The following LPAR1 variants were observed in gnomAD, a reference collection of about 807,000 sequenced individuals.
LPAR1 encodes the protein lysophosphatidic acid receptor 1.
LPAR1 carries 5 observed loss-of-function variants against 23.8 expected under a neutral mutation model. The ratio of observed to expected loss-of-function variants is 0.21; its 90% CI spans 0.11 to 0.44. LPAR1 has a LOEUF of 0.44. Among genes scored for constraint, LPAR1 ranks in the 20% least tolerant of loss-of-function variants. The pLI is 0.99. For missense variants in LPAR1, 311 were observed against 482.8 expected, an observed-to-expected ratio of 0.64 and a Z score of 3.33; for synonymous variants, 160 against 164.7, an observed-to-expected ratio of 0.97 and a Z score of 0.22.
At chr9:110,990,011 T>A (rs1037625931) in intron 2 of LPAR1, among the ~76,000 whole-genome samples, 12 of 151,178 alleles carry the variant, frequency 7.9e-5, no homozygotes, top group Admixed American at 1.3e-4. Flanking sequence ...GCAGGGATTT[T>A]AAAAAAAAAG....
intron 2 of LPAR1, among the ~76,000 whole-genome samples, chr9:111,033,017 A>C (rs1452510288): frequency 1.3e-5 from 2 of 152,256 alleles, no homozygotes; most frequent in South Asian, 2.1e-4. Context: ...CGTTTGTTTT[A>C]GCACTGGACT....
intron 2 of LPAR1, among the ~76,000 whole-genome samples, chr9:111,024,224 T>C (rs1325948474): frequency 1.3e-5 from 2 of 151,774 alleles, no homozygotes; most frequent in Non-Finnish European, 2.9e-5. Flanking sequence ...GCCAGATAAA[T>C]CTGAAGGGCG....
chr9:110,879,997 T>C (rs922588601), intron 5 of LPAR1, among the ~76,000 whole-genome samples: 1 of 152,182 alleles, frequency 6.6e-6, no homozygotes, highest in Non-Finnish European at 1.5e-5. Context: ...TAGTTTGAGG[T>C]ACCTGCAAGA....
At chr9:110,967,061 G>C (rs899711609) in intron 4 of LPAR1, among the ~76,000 whole-genome samples, 2 of 152,122 alleles carry the variant, frequency 1.3e-5, no homozygotes, top group South Asian at 2.1e-4. Context: ...TGATGAACAG[G>C]TTCCTGTCTG....
chr9:110,993,147 T>G (rs2096929235), intron 2 of LPAR1, among the ~76,000 whole-genome samples: 2 of 152,146 alleles, frequency 1.3e-5, no homozygotes, highest in South Asian at 4.1e-4. Context: ...TAATATACTT[T>G]AAGTTCTAGG....
chr9:110,942,488 T>C (rs561921536), intron 4 of LPAR1, among the ~76,000 whole-genome samples: 2 of 152,338 alleles, frequency 1.3e-5, no homozygotes, highest in Admixed American at 1.3e-4. Flanking sequence ...GACAAAAATT[T>C]TGCAGAACAT....
intron 2 of LPAR1, among the ~76,000 whole-genome samples, chr9:111,013,766 G>C (rs1236030256): frequency 6.6e-6 from 1 of 152,032 alleles, no homozygotes; most frequent in African/African-American, 2.4e-5. Flanking sequence ...AACCTTAAAG[G>C]TTATCTAGTA....
intron 5 of LPAR1, among the ~76,000 whole-genome samples, chr9:110,926,451 A>C (rs1234409162): frequency 6.6e-6 from 1 of 152,234 alleles, no homozygotes; most frequent in African/African-American, 2.4e-5. Context: ...GTTTCTCCTC[A>C]GGATAATATA....
chr9:110,906,717 T>C (rs1189429282), intron 5 of LPAR1, among the ~76,000 whole-genome samples: 1 of 152,184 alleles, frequency 6.6e-6, no homozygotes, highest in East Asian at 1.9e-4. Context: ...GATTTTCTTC[T>C]AGAATGAAAC....
chr9:110,981,930 T>C (rs576838466), intron 2 of LPAR1, among the ~76,000 whole-genome samples: 7 of 152,246 alleles, frequency 4.6e-5, no homozygotes, highest in African/African-American at 1.4e-4. Flanking sequence ...TGAGATACCA[T>C]CTCACATCAT....
intron 2 of LPAR1, among the ~76,000 whole-genome samples, chr9:111,028,608 T>G (rs2097742233): frequency 7.4e-6 from 1 of 135,592 alleles, no homozygotes; most frequent in South Asian, 2.5e-4. Context: ...AATTCTTAAT[T>G]AGAAAAAGAC....
chr9:110,899,349 G>T (rs1303614389), intron 5 of LPAR1, among the ~76,000 whole-genome samples: 1 of 152,108 alleles, frequency 6.6e-6, no homozygotes, highest in Non-Finnish European at 1.5e-5. Flanking sequence ...TCTACATCAA[G>T]AATTTTCAGA....
chr9:110,996,545 T>C (rs1449000644), intron 2 of LPAR1, among the ~76,000 whole-genome samples: 1 of 152,148 alleles, frequency 6.6e-6, no homozygotes, highest in Non-Finnish European at 1.5e-5. Context: ...TGGCTGTGGG[T>C]GCGACCTGAC....
intron 4 of LPAR1, among the ~76,000 whole-genome samples, chr9:110,942,999 T>G (rs1326311085): frequency 1.7e-5 from 2 of 116,428 alleles, no homozygotes; most frequent in African/African-American, 3.3e-5. Flanking sequence ...TAAGAATATA[T>G]TTGCTTATTA....
Position 110,972,197 on chromosome 9 carries a change from G to T in LPAR1, c.-80C>A, listed in dbSNP as rs1281689176. ...TTTCTTGTTTGCTGATCAGATCGAA[G>T]TCATGCTAGGAGAAGCTGTGTACCT... is the stretch of plus-strand genomic sequence containing the variant. On this transcript the variant is annotated 5_prime_UTR_variant, in exon 4 of 6. Coordinates refer to ENST00000683809, the MANE Select transcript of LPAR1 (RefSeq NM_001351411.2). 2.4e-6 allele frequency: 3 copies of T among 1,268,694 alleles called. No homozygotes were observed. Among genetic ancestry groups the T allele is most frequent in the Non-Finnish European group, 3.5e-6 (3 of 866,844 alleles). The allele number at this position is 1,268,694 out of a possible 1,614,324, so 78.6% of individuals were successfully genotyped here. A position where few individuals can be genotyped will look rare whatever the true frequency, so the allele number is the denominator to read the frequency against.
intron 5 of LPAR1, among the ~76,000 whole-genome samples, chr9:110,888,408 A>C (rs1483826567): frequency 6.6e-6 from 1 of 152,166 alleles, no homozygotes; most frequent in Non-Finnish European, 1.5e-5. Flanking sequence ...AGTTGTTTTC[A>C]TCAGTTCTTT....
chr9:111,027,555 A>C (rs1306441196), intron 2 of LPAR1, among the ~76,000 whole-genome samples: 1 of 151,558 alleles, frequency 6.6e-6, no homozygotes, highest in Non-Finnish European at 1.5e-5. Context: ...TAAAAATACA[A>C]TTTTTTTTAA....
intron 2 of LPAR1, among the ~76,000 whole-genome samples, chr9:111,001,531 A>C (rs1162270826): frequency 1.3e-5 from 2 of 152,208 alleles, no homozygotes; most frequent in Non-Finnish European, 2.9e-5. Context: ...GTTCTAAGGC[A>C]AAAGGAAAAA....
intron 2 of LPAR1, among the ~76,000 whole-genome samples, chr9:110,973,774 T>G (rs910100885): frequency 6.6e-6 from 1 of 152,212 alleles, no homozygotes; most frequent in Non-Finnish European, 1.5e-5. Flanking sequence ...AAAAAAATTT[T>G]TCATTTTAAG....
Sources: gnomAD v4.1 joint callset for allele counts (sites outside exome capture counted in the v4.1 genomes callset) on GRCh38, gnomAD v4.1.1 for gene constraint, MANE v1.5 for transcripts, NCBI Gene and HGNC (gene_info 2026-07-23, HGNC 2026-07-21) for gene names.